The following ODF2L variants were observed in gnomAD, a reference collection of about 807,000 sequenced individuals.
ODF2L encodes outer dense fiber of sperm tails 2 like.
ODF2L carries 76 observed loss-of-function variants against 86.3 expected under a neutral mutation model. The ratio of observed to expected loss-of-function variants is 0.88; its 90% CI spans 0.73 to 1.07. The LOEUF (loss-of-function observed/expected upper bound fraction) is 1.07, where lower values mean the gene tolerates loss of function less well. ODF2L is among the 50% of genes least tolerant of loss of function. The pLI is 0.00. For synonymous variants in ODF2L, 241 were observed against 231.3 expected, an observed-to-expected ratio of 1.04 and a Z score of -0.38; for missense variants, 748 against 717.4, an observed-to-expected ratio of 1.04 and a Z score of -0.49.
Position 86,352,739 on chromosome 1 carries a change from C to T in ODF2L, c.1893+120G>A, listed in dbSNP as rs1658229780. The T allele has an allele frequency of 2.3e-5, 14 of 599,982 alleles. No homozygotes were observed. In the South Asian group the frequency reaches 3.7e-4, roughly 16 times the overall value. The allele number at this position is 599,982 out of a possible 1,614,324, so 37.2% of individuals were successfully genotyped here. On this transcript the variant is annotated intron_variant, in intron 17 of 17. Coordinates refer to ENST00000317336, the Ensembl canonical transcript of ODF2L. ...TTTTTATTTGTTATGTCTTATATTGCTTGTTATTTTTAATATTATCAGTAA... is the reference window on the plus strand; with the variant it reads ...TTTTTATTTGTTATGTCTTATATTGTTTGTTATTTTTAATATTATCAGTAA...
At chr1:86,350,204 T>G (rs1475038729) in exon 18 of ODF2L, 1 of 153,786 alleles carries the variant, frequency 6.5e-6, no homozygotes, top group Non-Finnish European at 1.4e-5. Context: ...TTTGCTGCAC[T>G]CATCAACCCG....
intron 1 of ODF2L, among the ~76,000 whole-genome samples, chr1:86,392,188 T>G (rs1301090229): frequency 6.6e-6 from 1 of 152,122 alleles, no homozygotes; most frequent in African/African-American, 2.4e-5. Context: ...TAATAATAGA[T>G]GTTGGCATGG....
chr1:86,374,938 T>G (rs1660067258), intron 8 of ODF2L: 1 of 152,196 alleles, frequency 6.6e-6, no homozygotes, highest in Admixed American at 6.5e-5. Flanking sequence ...GTGAATAGGA[T>G]AGCAAGCTCC....
intron 4 of ODF2L, among the ~76,000 whole-genome samples, chr1:86,383,608 A>C (rs1660731979): frequency 6.6e-6 from 1 of 151,866 alleles, no homozygotes; most frequent in African/African-American, 2.4e-5. Flanking sequence ...AGAATTCTAT[A>C]TAGCCATTTT....
chr1:86,348,875 C>A (rs868257419), downstream of ODF2L: 1 of 1,545,964 alleles, frequency 6.5e-7, no homozygotes, highest in East Asian at 2.4e-5. Flanking sequence ...TGATGTTGTG[C>A]TTTCTAAAGA....
chr1:86,371,746 C>A (rs924515711), intron 9 of ODF2L, among the ~76,000 whole-genome samples: 2 of 151,670 alleles, frequency 1.3e-5, no homozygotes, highest in Non-Finnish European at 2.9e-5. Flanking sequence ...ATTTTCAAAG[C>A]AGTTATTATA....
intron 7 of ODF2L, among the ~76,000 whole-genome samples, chr1:86,381,701 A>C (rs1033450449): frequency 6.6e-6 from 1 of 152,136 alleles, no homozygotes; most frequent in East Asian, 1.9e-4. Context: ...AAGAATAATT[A>C]AACCAAAAAA....
Position 86,352,847 on chromosome 1 carries a change from G to C in ODF2L, c.1893+12C>G. The C allele has an allele frequency of 6.8e-7, 1 of 1,472,266 alleles. No individual in the cohort carries two copies. The highest frequency in any genetic ancestry group is 1.2e-5 in the South Asian group (1 of 81,694). 91.2% of individuals were successfully genotyped at this position (1,472,266 alleles called of 1,614,324 possible). On this transcript the variant is annotated intron_variant, in intron 17 of 17. Coordinates refer to ENST00000317336, the Ensembl canonical transcript of ODF2L. The stretch of plus-strand genomic sequence containing the variant: ...TATCTTTTATAATATGTTAAGCCAT[G>C]CTAATACTTACACTGTTCATTTTGC...
At chr1:86,368,875 A>G (rs1476229979) in intron 10 of ODF2L, among the ~76,000 whole-genome samples, 1 of 152,140 alleles carries the variant, frequency 6.6e-6, no homozygotes, top group African/African-American at 2.4e-5. Context: ...AAAGTAATTT[A>G]AAAGGATGCT....
chr1:86,370,957 C>A (rs888357893), intron 10 of ODF2L, 61 bp downstream of exon 10: 1 of 1,108,640 alleles, frequency 9.0e-7, no homozygotes, highest in African/African-American at 1.6e-5. Flanking sequence ...CAAGCTATTT[C>A]TACTAAGTAG....
At chr1:86,352,410 C>T (rs1658201218) in intron 17 of ODF2L, among the ~76,000 whole-genome samples, 1 of 152,060 alleles carries the variant, frequency 6.6e-6, no homozygotes, top group Non-Finnish European at 1.5e-5. Context: ...CTAAAGCATC[C>T]ATCTCACATG....
chr1:86,364,156 T>C (rs1179545962), intron 11 of ODF2L, among the ~76,000 whole-genome samples: 1 of 152,212 alleles, frequency 6.6e-6, no homozygotes, highest in African/African-American at 2.4e-5. Context: ...TATCAAAAAC[T>C]AGTTTATAAT....
At chr1:86,348,715 A>G, downstream of ODF2L, 4 of 1,390,890 alleles carry the variant, frequency 2.9e-6, no homozygotes, top group Non-Finnish European at 3.8e-6. Flanking sequence ...ACTCATAATA[A>G]AAATCTACTA....
At chr1:86,380,320 G>A (rs1333022476) in intron 7 of ODF2L, among the ~76,000 whole-genome samples, 1 of 152,032 alleles carries the variant, frequency 6.6e-6, no homozygotes, top group Non-Finnish European at 1.5e-5. Context: ...AAGAGAAGGA[G>A]CAATACATTC....
At chr1:86,384,597 T>A (rs967059812) in intron 4 of ODF2L, 79 bp downstream of exon 4, 6 of 932,962 alleles carry the variant, frequency 6.4e-6, no homozygotes, top group Non-Finnish European at 8.7e-6. Flanking sequence ...ATACCAATAA[T>A]TTCTACAGTT....
intron 11 of ODF2L, among the ~76,000 whole-genome samples, chr1:86,363,912 T>C (rs572794533): frequency 8.9e-4 from 135 of 152,052 alleles, no homozygotes; most frequent in Non-Finnish European, 1.4e-3. Flanking sequence ...AACTTTAAAA[T>C]CTAAAACTAT....
intron 13 of ODF2L, chr1:86,358,022 C>T: frequency 1.0e-6 from 1 of 984,958 alleles, no homozygotes; most frequent in Non-Finnish European, 1.2e-6. Flanking sequence ...ATTCAGTGAG[C>T]TATCTTTATG....
At chr1:86,378,407 T>C (rs1344959523) in intron 7 of ODF2L, among the ~76,000 whole-genome samples, 1 of 152,250 alleles carries the variant, frequency 6.6e-6, no homozygotes, top group Non-Finnish European at 1.5e-5. Context: ...TTCTAACCTC[T>C]GCCCATTACT....
chr1:86,376,155 A>G lies in ODF2L; in HGVS notation c.810+78T>C, dbSNP rs548132863. The G allele has an allele frequency of 3.5e-5, 26 of 738,198 alleles. No homozygotes were observed. The African/African-American group carries it at 4.2e-4, about 12-fold the overall frequency. 45.7% of individuals were successfully genotyped at this position (738,198 alleles called of 1,614,324 possible). ...ATTAAGAAAAGAATAAAATTACTAT[A>G]TTAAGCATCATGATATTAATTATAT... On this transcript the variant is annotated intron_variant, in intron 8 of 17. Coordinates refer to ENST00000317336, the Ensembl canonical transcript of ODF2L.
Sources: gnomAD v4.1 joint callset for allele counts (sites outside exome capture counted in the v4.1 genomes callset) on GRCh38, gnomAD v4.1.1 for gene constraint, MANE v1.5 for transcripts, NCBI Gene and HGNC (gene_info 2026-07-23, HGNC 2026-07-21) for gene names.